EVC: variants seen among roughly 807,000 people sequenced by gnomAD.
EVC encodes the protein EvC ciliary complex subunit 1, also known as evC complex member EVC.
In EVC, 116 loss-of-function variants were observed where a neutral mutation model predicts 118.9. The ratio of observed to expected loss-of-function variants is 0.98; its 90% CI spans 0.84 to 1.14. EVC has a LOEUF of 1.14. Ranked by LOEUF, EVC falls within the 50% of genes most tolerant of loss-of-function variation. The pLI is 0.00. For synonymous variants in EVC, 619 were observed against 534.7 expected, an observed-to-expected ratio of 1.16 and a Z score of -2.18; for missense variants, 1,401 against 1,246.4, an observed-to-expected ratio of 1.12 and a Z score of -1.87.
At chr4:5,785,342 C>G (rs957618125) in intron 12 of EVC, among the ~76,000 whole-genome samples, 1 of 152,232 alleles carries the variant, frequency 6.6e-6, no homozygotes, top group African/African-American at 2.4e-5. Context: ...GAACCGCCTG[C>G]CCCTACATGC....
intron 12 of EVC, among the ~76,000 whole-genome samples, chr4:5,786,334 CTT>C (rs1434382570): frequency 6.6e-6 from 1 of 152,170 alleles, no homozygotes; most frequent in Non-Finnish European, 1.5e-5. Flanking sequence ...GGTTAGGAGT[CTT>C]AAGTTATTTT....
At chr4:5,780,007 A>T (rs1735329912) in intron 11 of EVC, among the ~76,000 whole-genome samples, 1 of 152,190 alleles carries the variant, frequency 6.6e-6, no homozygotes, top group East Asian at 1.9e-4. Flanking sequence ...TTATTTTGAG[A>T]TACGTCCCAT....
intron 12 of EVC, among the ~76,000 whole-genome samples, chr4:5,787,442 G>A (rs1711895347): frequency 6.6e-6 from 1 of 152,344 alleles, no homozygotes; most frequent in African/African-American, 2.4e-5. Flanking sequence ...CCAGAGTGAG[G>A]AGTGAGGAAG....
Position 5,711,419 on chromosome 4 carries a change from G to C in EVC, c.39G>C (p.Arg13=). The C allele has an allele frequency of 9.7e-7, 1 of 1,026,076 alleles. No homozygotes were observed. Among genetic ancestry groups the C allele is most frequent in the Non-Finnish European group, 1.2e-6 (1 of 859,652 alleles). The allele number at this position is 1,026,076 out of a possible 1,614,324, so 63.6% of individuals were successfully genotyped here. A position where few individuals can be genotyped will look rare whatever the true frequency, so the allele number is the denominator to read the frequency against. Residue 13 remains arginine (R), a synonymous_variant, in exon 1 of 21, where the codon CGG becomes CGC. Coordinates refer to ENST00000264956, the MANE Select transcript of EVC (RefSeq NM_153717.3). ...GGGCGGCCTGCAAGAGCGACGCGCG[G>C]CTGCTGCTGGGGCGGGACGCGCTGC... ...RGGAACKSDA[R]LLLGRDALRP...
chr4:5,748,379 C>T, intron 8 of EVC, 73 bp downstream of exon 8: 1 of 1,532,874 alleles, frequency 6.5e-7, no homozygotes, highest in South Asian at 1.2e-5. Flanking sequence ...GGCTTGACAT[C>T]CTTAAATCTA....
intron 12 of EVC, among the ~76,000 whole-genome samples, chr4:5,787,173 T>C (rs980303873): frequency 2.6e-5 from 4 of 152,210 alleles, no homozygotes; most frequent in Admixed American, 1.3e-4. Flanking sequence ...GAATGGTGTT[T>C]CTCAAAATTT....
intron 6 of EVC, among the ~76,000 whole-genome samples, chr4:5,744,968 G>GT (rs112283154): frequency 0.012 from 1,656 of 139,872 alleles, 26 homozygotes; most frequent in African/African-American, 0.031. Context: ...GTATGGTCTA[G>GT]TTTTTTTTTT....
chr4:5,828,157 A>T, the EVC span: 1 of 985,280 alleles, frequency 1.0e-6, no homozygotes. Flanking sequence ...GGATCACAGC[A>T]CCTCCCGTGG....
intron 3 of EVC, 35 bp downstream of exon 3, chr4:5,729,425 TA>T (rs1726421947): frequency 6.3e-7 from 1 of 1,585,368 alleles, no homozygotes. Context: ...GAAAGCCAGT[TA>T]CTTCCGTCAT....
At chr4:5,761,341 C>T (rs1054930976) in intron 11 of EVC, among the ~76,000 whole-genome samples, 1 of 151,954 alleles carries the variant, frequency 6.6e-6, no homozygotes, top group Admixed American at 6.6e-5. Context: ...ATCTCAACCA[C>T]CAAAATGAAT....
Position 5,731,455 on chromosome 4 carries a change from C to G in EVC, c.415C>G (p.Leu139Val), listed in dbSNP as rs1336997702. Residue 139 changes from leucine (L) to valine (V), a missense_variant, in exon 4 of 21, where the codon CTG (leucine) becomes GTG (valine). By Grantham distance (32) the Leu-to-Val change is conservative. Transcript: ENST00000264956. This position sits in a 1 kb window ranked among gnomAD's most constrained non-coding sequence, Gnocchi z 5.6. ...PLADGSSNPSLHENLKQAVLP... is the reference protein window; with the variant it reads ...PLADGSSNPSVHENLKQAVLP... The stretch of plus-strand genomic sequence containing the variant: ...GGCCGATGGCTCCTCCAACCCGTCT[C>G]TGCATGAAAACTTAAAGCAGGCTGT... 1 of 1,613,482 alleles carries G rather than the reference C, an allele frequency of 6.2e-7. No individual in the cohort carries two copies.
At position 5,731,495 on chromosome 4, in the gene EVC, C is replaced by A; in HGVS notation, c.455C>A (p.Pro152Gln). The A allele has an allele frequency of 1.2e-6, 2 of 1,614,102 alleles. No homozygotes were observed. The highest frequency in any genetic ancestry group is 1.7e-6 in the Non-Finnish European group (2 of 1,180,014). Residue 152 changes from proline to glutamine, a missense_variant, in exon 4 of 21, where the codon CCG (proline) becomes CAG (glutamine). Pro to Gln is a moderately conservative substitution (Grantham distance 76). Transcript: ENST00000264956. The surrounding 1 kb of genome is among the most constrained non-coding windows in gnomAD (Gnocchi z 5.6). ...NLKQAVLPHQPVEASPSSSLG... is the reference protein window; with the variant it reads ...NLKQAVLPHQQVEASPSSSLG... ...AAGCAGGCTGTTTTGCCACACCAGC[C>A]GGTAGAGGCCTCTCCTTCCAGCAGT...
intron 2 of EVC, among the ~76,000 whole-genome samples, chr4:5,724,086 C>T (rs950336828): frequency 1.3e-5 from 2 of 152,184 alleles, no homozygotes; most frequent in African/African-American, 2.4e-5. Flanking sequence ...ATCCTCAGTT[C>T]GCAGCACCAT....
chr4:5,742,172 T>C lies in EVC; in HGVS notation c.801+358T>C, dbSNP rs185895780. ...TCTATTCTCAGTCTTTTATGGAAAGTTTATTTTGTCTCAGGCGCAGCAAAG... is the reference window on the plus strand; with the variant it reads ...TCTATTCTCAGTCTTTTATGGAAAGCTTATTTTGTCTCAGGCGCAGCAAAG... On this transcript the variant is annotated intron_variant, in intron 6 of 20. Coordinates refer to ENST00000264956, the MANE Select transcript of EVC (RefSeq NM_153717.3). The surrounding 1 kb of genome is among the most constrained non-coding windows in gnomAD (Gnocchi z 5.2). 2.0e-5 allele frequency among the ~76,000 whole-genome samples: 3 copies of C among 152,168 alleles called. No homozygotes were observed. In the South Asian group the frequency reaches 6.3e-4, roughly 32 times the overall value.
At chr4:5,782,064 G>GT (rs1041337250) in intron 11 of EVC, among the ~76,000 whole-genome samples, 12 of 152,118 alleles carry the variant, frequency 7.9e-5, no homozygotes, top group African/African-American at 2.9e-4. Context: ...AAAGTTCCAT[G>GT]TTTTTTGTTT....
chr4:5,825,307 C>G, the EVC span: 1 of 985,306 alleles, frequency 1.0e-6, no homozygotes, highest in Non-Finnish European at 1.2e-6. This position sits in a 1 kb window ranked among gnomAD's most constrained non-coding sequence, Gnocchi z 4.4. Flanking sequence ...ATGGACCCCC[C>G]TCTGCTTGGT....
intron 11 of EVC, among the ~76,000 whole-genome samples, chr4:5,781,190 G>A (rs570080641): frequency 3.9e-5 from 6 of 152,318 alleles, no homozygotes; most frequent in Admixed American, 3.3e-4. Flanking sequence ...GAACATGTGA[G>A]GAGAGTTCCT....
chr4:5,770,954 G>A (rs374582215), intron 11 of EVC, among the ~76,000 whole-genome samples: 4 of 151,962 alleles, frequency 2.6e-5, no homozygotes, highest in Non-Finnish European at 4.4e-5. Context: ...AGAGGTTGCA[G>A]TGAGACGAGA....
chr4:5,793,105 G>T (rs1350412853), intron 12 of EVC, among the ~76,000 whole-genome samples: 1 of 152,068 alleles, frequency 6.6e-6, no homozygotes, highest in Non-Finnish European at 1.5e-5. Context: ...TGAACAAGAG[G>T]ATAAGGCAGG....
Sources: allele counts gnomAD v4.1 joint callset (sites outside exome capture counted in the v4.1 genomes callset), GRCh38; gene constraint gnomAD v4.1.1; non-coding constraint Gnocchi (gnomAD v3.1); transcripts MANE v1.5; gene names NCBI Gene and HGNC (gene_info 2026-07-23, HGNC 2026-07-21).